SUPT4H1: variants seen among roughly 807,000 people sequenced by gnomAD.
The protein encoded by SUPT4H1 is transcription elongation factor SPT4.
Under a neutral mutation model 19.4 loss-of-function variants are expected in SUPT4H1, and 12 were observed. The observed-to-expected ratio is 0.62, with a 90% confidence interval of 0.40 to 1.00. The LOEUF (loss-of-function observed/expected upper bound fraction) is 1.00, where lower values mean the gene tolerates loss of function less well. Ranked by LOEUF, SUPT4H1 falls within the 50% of genes least tolerant of loss-of-function variation. The pLI is 0.00. For synonymous variants in SUPT4H1, 58 were observed against 56.3 expected (o/e 1.03, Z -0.14); for missense variants, 115 against 149.2 (o/e 0.77, Z 1.19).
chr17:58,351,810 T>C (rs868605725), intron 1 of SUPT4H1: 12 of 576,166 alleles, frequency 2.1e-5, no homozygotes, highest in Middle Eastern at 4.1e-4. Flanking sequence ...TCCCAGTGTC[T>C]TTCGGCTCCA....
chr17:58,351,645 C>G lies in SUPT4H1; in HGVS notation c.70-137G>C, dbSNP rs554082873. The G allele has an allele frequency of 6.3e-5, 40 of 630,418 alleles. 1 individual carries two copies. Among genetic ancestry groups the G allele is most frequent in the Middle Eastern group, 6.0e-4 (2 of 3,342 alleles). The allele number at this position is 630,418 out of a possible 1,614,324, so 39.1% of individuals were successfully genotyped here. A position where few individuals can be genotyped will look rare whatever the true frequency, so the allele number is the denominator to read the frequency against. ...GACTGTGTATCCTAAGGTTCCCCAC[C>G]TACTACTCTCAAAGCTTCATTCCTA... is the stretch of plus-strand genomic sequence containing the variant. On this transcript the variant is annotated intron_variant, in intron 1 of 4. Coordinates refer to ENST00000225504, the MANE Select transcript of SUPT4H1 (RefSeq NM_003168.3).
intron 2 of SUPT4H1, among the ~76,000 whole-genome samples, chr17:58,349,751 T>G (rs908563640): frequency 1.5e-4 from 20 of 137,130 alleles, no homozygotes; most frequent in African/African-American, 3.7e-4. Context: ...TGAATGAACC[T>G]TGAAGACATT....
At chr17:58,346,718 C>CAA (rs33965188) in intron 4 of SUPT4H1, among the ~76,000 whole-genome samples, 30,482 of 71,994 alleles carry the variant, frequency 0.42, 5,740 homozygotes, top group East Asian at 0.54. Context: ...GACTCTGTCT[C>CAA]AAAAAAAAAA....
chr17:58,351,697 C>A, intron 1 of SUPT4H1, 189 bp from the exon 2 acceptor site: 1 of 583,048 alleles, frequency 1.7e-6, no homozygotes, highest in Middle Eastern at 4.1e-4. Flanking sequence ...TCCTTCCTCT[C>A]TCGTTCCCAA....
chr17:58,351,251 CAA>C (rs565767343), intron 2 of SUPT4H1, 149 bp downstream of exon 2: 54,486 of 358,870 alleles, frequency 0.15, 607 homozygotes, highest in Middle Eastern at 0.19. Context: ...AACCCTGATT[CAA>C]AAAAAAAAAA....
chr17:58,352,188 C>T lies in SUPT4H1; in HGVS notation c.-53G>A, dbSNP rs1236088167. 1.3e-6 allele frequency: 2 copies of T among 1,571,018 alleles called. No homozygotes were observed. The highest frequency in any genetic ancestry group is 1.4e-5 in the African/African-American group (1 of 74,008). On this transcript the variant is annotated 5_prime_UTR_variant, in exon 1 of 5. Coordinates refer to ENST00000225504, the MANE Select transcript of SUPT4H1 (RefSeq NM_003168.3). ...GATAGACGACCACAGCCTGTGCACC[C>T]GCAGGAAGTAAATAGCTCGTTACCC...
intron 2 of SUPT4H1, among the ~76,000 whole-genome samples, 182 bp from the exon 3 acceptor site, chr17:58,347,766 T>A (rs1183338815): frequency 6.6e-6 from 1 of 152,226 alleles, no homozygotes; most frequent in Non-Finnish European, 1.5e-5. Flanking sequence ...TTCATTCTTA[T>A]GTCCTTGGCC....
intron 2 of SUPT4H1, among the ~76,000 whole-genome samples, chr17:58,349,945 G>A (rs1375920493): frequency 6.6e-6 from 1 of 152,210 alleles, no homozygotes; most frequent in African/African-American, 2.4e-5. Context: ...TGGTGGTGAC[G>A]GTTGCACAAC....
chr17:58,351,984 T>C (rs762253435), intron 1 of SUPT4H1, 83 bp downstream of exon 1: 1 of 1,462,682 alleles, frequency 6.8e-7, no homozygotes, highest in Non-Finnish European at 9.5e-7. Flanking sequence ...AACTTTTCTC[T>C]TTACTGTCCC....
chr17:58,346,779 C>G (rs534288223), intron 4 of SUPT4H1, among the ~76,000 whole-genome samples: 1 of 148,072 alleles, frequency 6.8e-6, no homozygotes, highest in South Asian at 2.1e-4. Flanking sequence ...AAGACCCAGG[C>G]AGGTATTCGG....
chr17:58,349,984 G>C (rs753307902), intron 2 of SUPT4H1, among the ~76,000 whole-genome samples: 13 of 152,228 alleles, frequency 8.5e-5, no homozygotes, highest in Non-Finnish European at 1.6e-4. Flanking sequence ...CCACTGAATT[G>C]TGTATTTAGA....
rs187977192 is a variant in SUPT4H1 at position 58,348,144 on chromosome 17, G to A, written c.177-560C>T. Among the ~76,000 whole-genome samples the A allele has an allele frequency of 5.2e-3, 797 of 152,306 alleles. 7 individuals are homozygous for A. Among genetic ancestry groups the A allele is most frequent in the African/African-American group, 0.018 (763 of 41,552 alleles). ...GCACAAAGACTAGCACAGAGTAGGT[G>A]CTAAATAAGCATTAGCTCTCCTCAT... On this transcript the variant is annotated intron_variant, in intron 2 of 4. Transcript: ENST00000225504.
chr17:58,346,945 C>A (rs1206844961), intron 4 of SUPT4H1, among the ~76,000 whole-genome samples: 1 of 151,994 alleles, frequency 6.6e-6, no homozygotes, highest in Non-Finnish European at 1.5e-5. Flanking sequence ...GAGACCTTGT[C>A]TCTAAAAAAA....
At chr17:58,347,288 G>C in intron 3 of SUPT4H1, 47 bp from the exon 4 acceptor site, 14 of 1,598,334 alleles carry the variant, frequency 8.8e-6, no homozygotes, top group Non-Finnish European at 1.2e-5. Flanking sequence ...AGTTAGTTAA[G>C]ACTCAAGATC....
chr17:58,352,056 C>G lies in SUPT4H1; in HGVS notation c.69+11G>C, dbSNP rs1972548366. 1 of 1,614,042 alleles carries G rather than the reference C, an allele frequency of 6.2e-7. No individual in the cohort carries two copies. The highest frequency in any genetic ancestry group is 8.5e-7 in the Non-Finnish European group (1 of 1,180,016). ...CCCCATGGGCCCTACAACCAGGTCC[C>G]CGACTGACACCTTGACCAGCGAACA... On this transcript the variant is annotated intron_variant, in intron 1 of 4. Coordinates refer to ENST00000225504, the MANE Select transcript of SUPT4H1 (RefSeq NM_003168.3).
chr17:58,352,179 C>G lies in SUPT4H1; in HGVS notation c.-44G>C, dbSNP rs368170377. 1 of 1,592,792 alleles carries G rather than the reference C, an allele frequency of 6.3e-7. No individual in the cohort carries two copies. Among genetic ancestry groups the G allele is most frequent in the Non-Finnish European group, 8.6e-7 (1 of 1,161,042 alleles). On this transcript the variant is annotated 5_prime_UTR_variant, in exon 1 of 5. Transcript: ENST00000225504. ...CAACAGGGAGATAGACGACCACAGC[C>G]TGTGCACCCGCAGGAAGTAAATAGC...
chr17:58,351,942 AC>A, intron 1 of SUPT4H1, 124 bp downstream of exon 1: 1 of 1,006,318 alleles, frequency 9.9e-7, no homozygotes, highest in Non-Finnish European at 1.5e-6. Flanking sequence ...TCGGCTTCTC[AC>A]TCCCCCTGCC....
Position 58,346,084 on chromosome 17 carries a change from A to C in SUPT4H1, c.*162T>G, listed in dbSNP as rs760079493. 6 of 584,820 alleles carry C rather than the reference A, an allele frequency of 1.0e-5. No individual in the cohort carries two copies. The highest frequency in any genetic ancestry group is 9.2e-6 in the Non-Finnish European group (3 of 325,984). The allele number at this position is 584,820 out of a possible 1,614,324, so 36.2% of individuals were successfully genotyped here. ...ATCCCTCCCACCCCACCTGTAGTCC[A>C]AAGAAGATAAAATGATAAAATGATG... On this transcript the variant is annotated 3_prime_UTR_variant, in exon 5 of 5. Transcript: ENST00000225504.
chr17:58,349,820 C>T (rs1302835485), intron 2 of SUPT4H1, among the ~76,000 whole-genome samples: 2 of 152,012 alleles, frequency 1.3e-5, no homozygotes, highest in Non-Finnish European at 2.9e-5. Context: ...CCTAAGGGTG[C>T]CTAAGGTGGC....
Sources: allele counts gnomAD v4.1 joint callset (sites outside exome capture counted in the v4.1 genomes callset), GRCh38; gene constraint gnomAD v4.1.1; transcripts MANE v1.5; gene names NCBI Gene and HGNC (gene_info 2026-07-23, HGNC 2026-07-21).